CHODL: variants seen among roughly 807,000 people sequenced by gnomAD.
CHODL encodes the protein chondrolectin, also known as transmembrane protein MT75.
A neutral mutation model predicts 34.5 loss-of-function variants in CHODL; 29 were observed. That is an observed-to-expected ratio of 0.84 (90% CI 0.63 to 1.15). The LOEUF is 1.15. Among genes scored for constraint, CHODL ranks in the 50% most tolerant of loss-of-function variants. CHODL has a pLI of 0.00. For synonymous variants in CHODL, 125 were observed against 116.1 expected (o/e 1.08, Z -0.49); for missense variants, 332 against 332.5 (o/e 1.00, Z 0.01).
At chr21:18,008,818 T>C (rs1175267100) in intron 1 of CHODL, among the ~76,000 whole-genome samples, 3 of 152,210 alleles carry the variant, frequency 2.0e-5, no homozygotes, top group Non-Finnish European at 4.4e-5. Context: ...CGTTGGCATA[T>C]TGGTTCCAGA....
At chr21:17,927,672 C>T (rs2063239943) in intron 1 of CHODL, among the ~76,000 whole-genome samples, 1 of 152,170 alleles carries the variant, frequency 6.6e-6, no homozygotes, top group South Asian at 2.1e-4. Context: ...TGACCAAATC[C>T]ACCACTGTTT....
chr21:18,008,063 G>A (rs1219133067), intron 1 of CHODL, among the ~76,000 whole-genome samples: 2 of 151,984 alleles, frequency 1.3e-5, no homozygotes, highest in South Asian at 2.1e-4. Context: ...AGTGAAAGAT[G>A]CTTTGCTAGA....
At chr21:18,115,994 T>C (rs1291565538) in intron 2 of CHODL, among the ~76,000 whole-genome samples, 1 of 152,180 alleles carries the variant, frequency 6.6e-6, no homozygotes, top group Non-Finnish European at 1.5e-5. Flanking sequence ...GTTGAACTGC[T>C]TTTTTACTTT....
chr21:17,933,926 C>G (rs1408558660), intron 1 of CHODL, among the ~76,000 whole-genome samples: 1 of 151,892 alleles, frequency 6.6e-6, no homozygotes, highest in African/African-American at 2.4e-5. Flanking sequence ...GTAGTCCCAG[C>G]TACTCGGGAG....
At chr21:18,133,769 G>T (rs1389596792) in intron 2 of CHODL, among the ~76,000 whole-genome samples, 5 of 152,122 alleles carry the variant, frequency 3.3e-5, no homozygotes, top group Admixed American at 3.3e-4. Context: ...ACTCTGTAGG[G>T]CACGGGGGTG....
intron 1 of CHODL, among the ~76,000 whole-genome samples, chr21:17,961,000 A>G (rs376945422): frequency 2.6e-4 from 39 of 152,308 alleles, no homozygotes; most frequent in African/African-American, 8.4e-4. Flanking sequence ...TTCAAACTCA[A>G]CTACATTATA....
intron 1 of CHODL, among the ~76,000 whole-genome samples, chr21:18,255,138 A>AT (rs2074300999): frequency 6.6e-6 from 1 of 152,104 alleles, no homozygotes; most frequent in African/African-American, 2.4e-5. Context: ...CAGGTTTAAG[A>AT]TAAAAAATAG....
At chr21:17,951,866 T>C (rs977716203) in intron 1 of CHODL, among the ~76,000 whole-genome samples, 2 of 152,112 alleles carry the variant, frequency 1.3e-5, no homozygotes, top group Non-Finnish European at 2.9e-5. Flanking sequence ...CACATTCATA[T>C]GATAGAAATA....
At chr21:18,155,181 T>G (rs1039244591) in intron 2 of CHODL, among the ~76,000 whole-genome samples, 14 of 152,098 alleles carry the variant, frequency 9.2e-5, no homozygotes, top group Non-Finnish European at 7.4e-5. Flanking sequence ...GGGAAACAAA[T>G]GAGAGATGTG....
intron 1 of CHODL, among the ~76,000 whole-genome samples, chr21:17,966,376 G>A (rs1294550682): frequency 6.6e-6 from 1 of 152,188 alleles, no homozygotes; most frequent in Admixed American, 6.5e-5. Context: ...TAAGAAAACA[G>A]AAATTGAAGG....
chr21:18,205,736 A>AATTT (rs2073704170), intron 2 of CHODL, among the ~76,000 whole-genome samples: 1 of 99,354 alleles, frequency 1.0e-5, no homozygotes, highest in Non-Finnish European at 1.9e-5. Context: ...TAAGGAGTAT[A>AATTT]CTTTTTTTTT....
intron 2 of CHODL, among the ~76,000 whole-genome samples, chr21:18,238,174 A>C (rs765990786): frequency 5.3e-5 from 8 of 152,142 alleles, no homozygotes; most frequent in Admixed American, 1.3e-4. Context: ...GTCTGGGAAG[A>C]GACACCAGAG....
intron 2 of CHODL, among the ~76,000 whole-genome samples, chr21:18,048,624 A>T (rs1394319538): frequency 6.6e-6 from 1 of 151,974 alleles, no homozygotes; most frequent in Non-Finnish European, 1.5e-5. Flanking sequence ...AAGATTTTGA[A>T]AATTTGTTTA....
chr21:18,014,039 C>T (rs158065), intron 1 of CHODL, among the ~76,000 whole-genome samples: 4,450 of 152,232 alleles, frequency 0.029, 202 homozygotes, highest in African/African-American at 0.099. Context: ...AGAAAACACA[C>T]ATCCAGGCTT....
At chr21:18,261,948 C>A (rs1046931593) in intron 4 of CHODL, among the ~76,000 whole-genome samples, 2 of 151,846 alleles carry the variant, frequency 1.3e-5, no homozygotes, top group African/African-American at 4.8e-5. Flanking sequence ...ATCCCAGTGA[C>A]TTGTATGGAA....
intron 2 of CHODL, among the ~76,000 whole-genome samples, chr21:18,082,303 A>T (rs932309327): frequency 6.6e-6 from 1 of 152,136 alleles, no homozygotes. Flanking sequence ...CATGCTTCCC[A>T]TTAAGCCTGT....
intron 1 of CHODL, among the ~76,000 whole-genome samples, chr21:17,925,248 T>G (rs2063213865): frequency 6.6e-6 from 1 of 152,208 alleles, no homozygotes; most frequent in Non-Finnish European, 1.5e-5. Flanking sequence ...TCCAAAATTG[T>G]GACCAGTCCA....
intron 2 of CHODL, among the ~76,000 whole-genome samples, chr21:18,108,892 C>G (rs1260554510): frequency 1.3e-5 from 2 of 150,072 alleles, no homozygotes; most frequent in Non-Finnish European, 3.0e-5. Flanking sequence ...CTTTTTCTTT[C>G]TCGCACTATT....
At chr21:18,238,047 GC>G (rs1229089783) in intron 2 of CHODL, among the ~76,000 whole-genome samples, 2 of 152,084 alleles carry the variant, frequency 1.3e-5, no homozygotes, top group African/African-American at 4.8e-5. Flanking sequence ...GTCAGGGAAA[GC>G]CTTTCTGTAG....
Sources: allele counts gnomAD v4.1 joint callset (sites outside exome capture counted in the v4.1 genomes callset), GRCh38; gene constraint gnomAD v4.1.1; transcripts MANE v1.5; gene names NCBI Gene and HGNC (gene_info 2026-07-23, HGNC 2026-07-21).